STPG2: variants seen among roughly 807,000 people sequenced by gnomAD.
STPG2 encodes sperm-tail PG-rich repeat-containing protein 2.
STPG2 carries 56 observed loss-of-function variants against 54.2 expected under a neutral mutation model. That is an observed-to-expected ratio of 1.03 (90% CI 0.83 to 1.29). The LOEUF (loss-of-function observed/expected upper bound fraction) is 1.29, where lower values mean the gene tolerates loss of function less well. STPG2 is among the 50% of genes most tolerant of loss of function. The probability of loss-of-function intolerance (pLI) is 0.00; values close to 1 mark genes in which losing one functional copy is unlikely to be tolerated. For missense variants in STPG2, 596 were observed against 544.9 expected, an observed-to-expected ratio of 1.09 and a Z score of -0.93; for synonymous variants, 200 against 181.8, an observed-to-expected ratio of 1.10 and a Z score of -0.81.
At chr4:98,130,921 C>CAAAAAAAA (rs34206321) in intron 2 of STPG2, among the ~76,000 whole-genome samples, 25 of 41,538 alleles carry the variant, frequency 6.0e-4, no homozygotes, top group Non-Finnish European at 8.0e-4. Context: ...GACTCCGTCT[C>CAAAAAAAA]AAAAAAAAAA....
At chr4:97,679,204 A>G (rs933532634) in intron 10 of STPG2, among the ~76,000 whole-genome samples, 64 of 152,258 alleles carry the variant, frequency 4.2e-4, no homozygotes, top group Middle Eastern at 6.8e-3. Context: ...TCGCCACACT[A>G]ACTTCCACAA....
chr4:98,010,040 T>A (rs757724612), intron 5 of STPG2, among the ~76,000 whole-genome samples: 1 of 152,054 alleles, frequency 6.6e-6, no homozygotes, highest in East Asian at 1.9e-4. Flanking sequence ...TTTTATCTTT[T>A]CAAAAATCCA....
At chr4:97,898,994 T>C (rs1436764472) in intron 8 of STPG2, among the ~76,000 whole-genome samples, 1 of 151,388 alleles carries the variant, frequency 6.6e-6, no homozygotes, top group African/African-American at 2.4e-5. Context: ...GAGAAAAAAA[T>C]AAAGGGCATC....
intron 4 of STPG2, among the ~76,000 whole-genome samples, chr4:97,522,669 T>C (rs1560642893): frequency 1.3e-5 from 2 of 151,972 alleles, no homozygotes; most frequent in Non-Finnish European, 2.9e-5. Flanking sequence ...TAATCTTAAG[T>C]AATAGTCTTA....
intron 10 of STPG2, among the ~76,000 whole-genome samples, chr4:97,698,396 C>T (rs1425043441): frequency 2.6e-5 from 4 of 152,232 alleles, no homozygotes; most frequent in Admixed American, 6.5e-5. Context: ...GTAACTCCAG[C>T]GAACACTGTA....
intron 10 of STPG2, among the ~76,000 whole-genome samples, chr4:97,689,854 T>C (rs913452916): frequency 2.6e-5 from 4 of 152,032 alleles, no homozygotes; most frequent in Non-Finnish European, 5.9e-5. Context: ...TTTTTTTACC[T>C]CAAAATTTTA....
intron 4 of STPG2, among the ~76,000 whole-genome samples, chr4:97,538,096 AAAC>A (rs1177914799): frequency 6.6e-6 from 1 of 152,190 alleles, no homozygotes; most frequent in Non-Finnish European, 1.5e-5. Flanking sequence ...GATGGGGAAA[AAAC>A]AAAATACAAA....
chr4:97,785,141 T>C (rs1726784794), intron 9 of STPG2, among the ~76,000 whole-genome samples: 1 of 151,818 alleles, frequency 6.6e-6, no homozygotes, highest in Non-Finnish European at 1.5e-5. Context: ...GTCTTTCAAG[T>C]ATGTTATAAT....
At chr4:97,563,278 C>T (rs1365549162) in intron 10 of STPG2, among the ~76,000 whole-genome samples, 1 of 151,210 alleles carries the variant, frequency 6.6e-6, no homozygotes, top group Non-Finnish European at 1.5e-5. Flanking sequence ...TCTGTGGGAT[C>T]AGTGGTGATA....
intron 4 of STPG2, among the ~76,000 whole-genome samples, chr4:97,466,738 T>A (rs893899422): frequency 6.6e-6 from 1 of 151,952 alleles, no homozygotes; most frequent in Non-Finnish European, 1.5e-5. Flanking sequence ...ATAGCAGAAA[T>A]ATAAGAACAA....
chr4:97,922,881 T>G (rs1369503667), intron 8 of STPG2, among the ~76,000 whole-genome samples: 1 of 147,466 alleles, frequency 6.8e-6, no homozygotes, highest in Non-Finnish European at 1.5e-5. Flanking sequence ...CTATGAAACT[T>G]TATAACATGA....
chr4:97,903,922 T>C (rs529703954), intron 8 of STPG2, among the ~76,000 whole-genome samples: 5 of 152,212 alleles, frequency 3.3e-5, no homozygotes, highest in Non-Finnish European at 5.9e-5. Flanking sequence ...CACGAGATTA[T>C]ATTCCGCACC....
intron 4 of STPG2, among the ~76,000 whole-genome samples, chr4:97,503,589 A>G (rs563578116): frequency 4.0e-5 from 6 of 151,300 alleles, no homozygotes; most frequent in Non-Finnish European, 7.4e-5. Flanking sequence ...CCTGGCTAGT[A>G]TGTATGTTTT....
intron 5 of STPG2, among the ~76,000 whole-genome samples, chr4:97,988,065 C>CACACAT (rs1734882949): frequency 6.9e-6 from 1 of 144,446 alleles, no homozygotes; most frequent in African/African-American, 2.5e-5. Flanking sequence ...CACACACACA[C>CACACAT]ATATTACCTC....
intron 9 of STPG2, among the ~76,000 whole-genome samples, chr4:97,817,779 C>A (rs925888122): frequency 6.6e-6 from 1 of 151,818 alleles, no homozygotes; most frequent in Non-Finnish European, 1.5e-5. Flanking sequence ...AAAAGGCAAG[C>A]CTATTTAAAA....
At chr4:97,911,797 A>G (rs1731689640) in intron 8 of STPG2, among the ~76,000 whole-genome samples, 2 of 152,066 alleles carry the variant, frequency 1.3e-5, no homozygotes, top group African/African-American at 4.8e-5. Flanking sequence ...TCTGCAGGAG[A>G]AGGGTTCTCC....
chr4:98,062,898 T>C (rs35213297), intron 5 of STPG2, among the ~76,000 whole-genome samples: 59,158 of 151,436 alleles, frequency 0.39, 11,752 homozygotes, highest in Middle Eastern at 0.46. Context: ...ATATAGTTAT[T>C]ATCTTCTTTT....
intron 5 of STPG2, among the ~76,000 whole-genome samples, chr4:98,065,725 A>C (rs962860356): frequency 1.3e-5 from 2 of 152,196 alleles, no homozygotes; most frequent in Admixed American, 6.6e-5. Context: ...AAACAAGTAC[A>C]GAAGAGGTTC....
chr4:97,509,285 A>G (rs1730920724), intron 4 of STPG2, among the ~76,000 whole-genome samples: 1 of 152,082 alleles, frequency 6.6e-6, no homozygotes, highest in Non-Finnish European at 1.5e-5. Flanking sequence ...TTCAGATGGA[A>G]ATTTATATAA....
Sources: gnomAD v4.1 joint callset for allele counts (sites outside exome capture counted in the v4.1 genomes callset) on GRCh38, gnomAD v4.1.1 for gene constraint, MANE v1.5 for transcripts, NCBI Gene and HGNC (gene_info 2026-07-23, HGNC 2026-07-21) for gene names.